Variants in RIPK2 observed in about 807,000 individuals in gnomAD.
RIPK2 encodes receptor-interacting serine/threonine-protein kinase 2.
In RIPK2, 38 loss-of-function variants were observed where a neutral mutation model predicts 60.9. The ratio of observed to expected loss-of-function variants is 0.62; its 90% CI spans 0.48 to 0.82. The LOEUF is 0.82. Among genes scored for constraint, RIPK2 ranks in the 40% least tolerant of loss-of-function variants. The pLI is 0.00. For synonymous variants in RIPK2, 225 were observed against 223.4 expected, an observed-to-expected ratio of 1.01 and a Z score of -0.06; for missense variants, 518 against 647.0, an observed-to-expected ratio of 0.80 and a Z score of 2.16.
chr8:89,765,517 T>A, intron 3 of RIPK2, 21 bp downstream of exon 3: 1 of 1,483,452 alleles, frequency 6.7e-7, no homozygotes, highest in Non-Finnish European at 9.3e-7. Flanking sequence ...TTTTAAAAAG[T>A]TTATGTTTCC....
intron 3 of RIPK2, among the ~76,000 whole-genome samples, chr8:89,766,901 G>A (rs966291908): frequency 2.0e-5 from 3 of 151,236 alleles, no homozygotes; most frequent in Admixed American, 6.6e-5. Context: ...TGTTACAGTA[G>A]TAGTTCTTCA....
At position 89,790,498 on chromosome 8, in the gene RIPK2, G is replaced by T. The variant is rs148928069; in HGVS notation, c.*82G>T. The T allele has an allele frequency of 7.0e-6, 7 of 1,004,854 alleles. No individual in the cohort carries two copies. Among genetic ancestry groups the T allele is most frequent in the Non-Finnish European group, 1.0e-5 (7 of 698,798 alleles). 62.2% of individuals were successfully genotyped at this position (1,004,854 alleles called of 1,614,324 possible). Reference sequence around the variant, plus strand: ...CTTTGACTTTTTTTATATAAAATCCGTGAGTATTAAAGCTTTATTGAAGGT... The same window carrying T: ...CTTTGACTTTTTTTATATAAAATCCTTGAGTATTAAAGCTTTATTGAAGGT... On this transcript the variant is annotated 3_prime_UTR_variant, in exon 11 of 11. Transcript: ENST00000220751.
intron 1 of RIPK2, among the ~76,000 whole-genome samples, chr8:89,759,073 G>A (rs1809101496): frequency 6.6e-6 from 1 of 152,170 alleles, no homozygotes; most frequent in Admixed American, 6.5e-5. Context: ...GTTTCTCCCA[G>A]TCTCAGTTTC....
chr8:89,769,947 C>T lies in RIPK2; in HGVS notation c.641+18C>T. ...ATATATAGGTAGAGTAAAGTTGCTT[C>T]TGCTCAGATTTAACCTTGTCTCAGA... On this transcript the variant is annotated intron_variant, in intron 4 of 10. Transcript: ENST00000220751. 2.6e-6 allele frequency: 4 copies of T among 1,556,786 alleles called. No individual in the cohort carries two copies. Among genetic ancestry groups the T allele is most frequent in the Non-Finnish European group, 2.6e-6 (3 of 1,156,984 alleles).
chr8:89,774,777 G>A (rs538195853), intron 6 of RIPK2, among the ~76,000 whole-genome samples: 68 of 152,198 alleles, frequency 4.5e-4, no homozygotes, highest in Non-Finnish European at 7.5e-4. Flanking sequence ...AGCAAAGAGA[G>A]GACCCATAGT....
intron 8 of RIPK2, 33 bp downstream of exon 8, chr8:89,784,172 T>C: frequency 7.9e-7 from 1 of 1,263,414 alleles, no homozygotes; most frequent in Non-Finnish European, 1.1e-6. Context: ...AAAGGTTATA[T>C]TAAACTCAAA....
chr8:89,769,718 T>G (rs530813543), intron 3 of RIPK2, 54 bp from the exon 4 acceptor site: 1 of 1,319,414 alleles, frequency 7.6e-7, no homozygotes, highest in Non-Finnish European at 1.0e-6. Context: ...GATAGTTGAC[T>G]TTTGGACTTT....
intron 2 of RIPK2, among the ~76,000 whole-genome samples, chr8:89,764,788 ATG>A (rs1372271432): frequency 6.6e-6 from 1 of 152,134 alleles, no homozygotes; most frequent in African/African-American, 2.4e-5. Context: ...ATATGATTAA[ATG>A]TATGATAAAT....
intron 9 of RIPK2, among the ~76,000 whole-genome samples, chr8:89,788,946 C>T (rs554159662): frequency 9.2e-5 from 14 of 152,188 alleles, no homozygotes; most frequent in South Asian, 4.1e-4. Flanking sequence ...GTCCCTGAGG[C>T]TCAGTGGGAT....
intron 3 of RIPK2, among the ~76,000 whole-genome samples, chr8:89,766,830 A>T (rs1276489833): frequency 6.7e-6 from 1 of 150,062 alleles, no homozygotes; most frequent in Non-Finnish European, 1.5e-5. Context: ...TCATGTCTTA[A>T]GCTCATTTTC....
chr8:89,761,664 G>A (rs569513065), intron 1 of RIPK2, among the ~76,000 whole-genome samples: 1 of 151,480 alleles, frequency 6.6e-6, no homozygotes, highest in African/African-American at 2.4e-5. Flanking sequence ...TACTCAAGAG[G>A]CAGAGTAGGG....
At chr8:89,779,690 T>G (rs1809465680) in intron 6 of RIPK2, among the ~76,000 whole-genome samples, 1 of 152,200 alleles carries the variant, frequency 6.6e-6, no homozygotes, top group African/African-American at 2.4e-5. Flanking sequence ...CCCAAGATCA[T>G]GAGGATTTTC....
rs1175978225 is a variant in RIPK2 at position 89,790,453 on chromosome 8, G to A, written c.*37G>A. ...TCAAGAAGAAATGTGTTTCATAAAAGGATATTTATATCTCTGTTGCTTTGA... is the reference window on the plus strand; with the variant it reads ...TCAAGAAGAAATGTGTTTCATAAAAAGATATTTATATCTCTGTTGCTTTGA... On this transcript the variant is annotated 3_prime_UTR_variant, in exon 11 of 11. Transcript: ENST00000220751. 2 of 1,417,012 alleles carry A rather than the reference G, an allele frequency of 1.4e-6. No homozygotes were observed. The highest frequency in any genetic ancestry group is 1.9e-6 in the Non-Finnish European group (2 of 1,041,150). The allele number at this position is 1,417,012 out of a possible 1,614,324, so 87.8% of individuals were successfully genotyped here. A position where few individuals can be genotyped will look rare whatever the true frequency, so the allele number is the denominator to read the frequency against.
At chr8:89,763,754 GT>G in intron 2 of RIPK2, among the ~76,000 whole-genome samples, 1 of 152,240 alleles carries the variant, frequency 6.6e-6, no homozygotes, top group East Asian at 1.9e-4. Flanking sequence ...CAGTCATAGA[GT>G]AACTTCCTCT....
At position 89,762,982 on chromosome 8, in the gene RIPK2, G is replaced by A; in HGVS notation, c.327G>A (p.Arg109=). The A allele has an allele frequency of 6.9e-7, 1 of 1,453,358 alleles. No homozygotes were observed. Among genetic ancestry groups the A allele is most frequent in the Non-Finnish European group, 9.2e-7 (1 of 1,089,822 alleles). The allele number at this position is 1,453,358 out of a possible 1,614,324, so 90.0% of individuals were successfully genotyped here. Residue 109 remains arginine, a splice_region_variant and synonymous_variant, in exon 2 of 11, where the codon AGG becomes AGA. Coordinates refer to ENST00000220751, the MANE Select transcript of RIPK2 (RefSeq NM_003821.6). ...PNGSLNELLH[R]KTEYPDVAWP... is the part of the protein sequence containing the mutation. Reference sequence around the variant, plus strand: ...GATCATTAAATGAACTCCTACATAGGGTAAGTATTACACAGTTTTAGTGGC... The same window carrying A: ...GATCATTAAATGAACTCCTACATAGAGTAAGTATTACACAGTTTTAGTGGC...
chr8:89,789,976 A>G (rs1809649504), intron 10 of RIPK2, 103 bp from the exon 11 acceptor site: 3 of 820,542 alleles, frequency 3.7e-6, no homozygotes, highest in South Asian at 4.5e-5. Flanking sequence ...GCACAATCAT[A>G]GGAAAATTAT....
In RIPK2 at chr8:89,784,138, A is replaced by C; in HGVS notation, c.1028A>C (p.Glu343Ala). The C allele has an allele frequency of 6.2e-6, 6 of 966,856 alleles. No individual in the cohort carries two copies. Among genetic ancestry groups the C allele is most frequent in the Non-Finnish European group, 8.7e-6 (6 of 690,584 alleles). The allele number at this position is 966,856 out of a possible 1,614,324, so 59.9% of individuals were successfully genotyped here. A position where few individuals can be genotyped will look rare whatever the true frequency, so the allele number is the denominator to read the frequency against. Residue 343 changes from glutamate to alanine, a missense_variant and splice_region_variant, in exon 8 of 11, where the codon GAG becomes GCG. Coordinates refer to ENST00000220751, the MANE Select transcript of RIPK2 (RefSeq NM_003821.6). ...ATACCTGTAAATCATGGTCCACAAG[A>C]GGTAAAAAAAAAAAAAAAAAAAAAA... ...LNIPVNHGPQ[E>A]ESCGSSQLHE...
chr8:89,786,769 C>A, intron 9 of RIPK2, 83 bp downstream of exon 9: 1 of 797,926 alleles, frequency 1.3e-6, no homozygotes, highest in African/African-American at 1.8e-5. Context: ...GTCATGATTT[C>A]TATGGAACTT....
chr8:89,759,679 G>A (rs1809113320), intron 1 of RIPK2, among the ~76,000 whole-genome samples: 1 of 152,202 alleles, frequency 6.6e-6, no homozygotes, highest in East Asian at 1.9e-4. Context: ...ATATTCTGTG[G>A]AGCAAGTGCT....
Sources: gnomAD v4.1 joint callset for allele counts (sites outside exome capture counted in the v4.1 genomes callset) on GRCh38, gnomAD v4.1.1 for gene constraint, MANE v1.5 for transcripts, NCBI Gene and HGNC (gene_info 2026-07-23, HGNC 2026-07-21) for gene names.